Variants in LRRC40 observed in about 807,000 individuals in gnomAD.
The protein encoded by LRRC40 is leucine rich repeat containing 40.
A neutral mutation model predicts 72.8 loss-of-function variants in LRRC40; 76 were observed. The ratio of observed to expected loss-of-function variants is 1.04; its 90% confidence interval spans 0.87 to 1.26. LRRC40 has a LOEUF of 1.26. Ranked by LOEUF, LRRC40 falls within the 50% of genes most tolerant of loss-of-function variation. The probability of loss-of-function intolerance (pLI) is 0.00; values close to 1 mark genes in which losing one functional copy is unlikely to be tolerated. For synonymous variants in LRRC40, 243 were observed against 254.2 expected (o/e 0.96, Z 0.42); for missense variants, 684 against 698.9 (o/e 0.98, Z 0.24).
At chr1:70,154,095 C>T (rs1323738974) in intron 11 of LRRC40, among the ~76,000 whole-genome samples, 1 of 151,030 alleles carries the variant, frequency 6.6e-6, no homozygotes, top group Non-Finnish European at 1.5e-5. Flanking sequence ...GAAACTACAA[C>T]TGATATATTC....
At chr1:70,161,363 C>T (rs950146558) in intron 9 of LRRC40, among the ~76,000 whole-genome samples, 4 of 151,670 alleles carry the variant, frequency 2.6e-5, no homozygotes, top group East Asian at 2.0e-4. Context: ...GGATTACAGG[C>T]GTGAGCCACC....
At chr1:70,179,166 T>C (rs1668186844) in intron 5 of LRRC40, among the ~76,000 whole-genome samples, 173 bp from the exon 6 acceptor site, 1 of 152,198 alleles carries the variant, frequency 6.6e-6, no homozygotes. Flanking sequence ...TTTCTACATT[T>C]AATTATAATT....
chr1:70,177,932 T>A (rs973678771), intron 6 of LRRC40, among the ~76,000 whole-genome samples: 5 of 152,202 alleles, frequency 3.3e-5, no homozygotes, highest in Non-Finnish European at 7.3e-5. Flanking sequence ...ACCTTTATGA[T>A]GACTGACTTC....
chr1:70,178,057 T>C (rs1668148780), intron 6 of LRRC40, among the ~76,000 whole-genome samples: 1 of 152,230 alleles, frequency 6.6e-6, no homozygotes, highest in African/African-American at 2.4e-5. Context: ...GCATACAAAT[T>C]ATGTGTTAAC....
chr1:70,148,688 C>T lies in LRRC40; in HGVS notation c.1518-16G>A, dbSNP rs758113682. 2 of 1,517,206 alleles carry T rather than the reference C, an allele frequency of 1.3e-6. No individual in the cohort carries two copies. Among genetic ancestry groups the T allele is most frequent in the Non-Finnish European group, 1.8e-6 (2 of 1,102,644 alleles). 94.0% of individuals were successfully genotyped at this position (1,517,206 alleles called of 1,614,324 possible). A position where few individuals can be genotyped will look rare whatever the true frequency, so the allele number is the denominator to read the frequency against. ...CATTTTAAACCTATTAATACATGAA[C>T]AGAACACCTAAATATACTGGAATCA... is the stretch of plus-strand genomic sequence containing the variant. On this transcript the variant is annotated splice_polypyrimidine_tract_variant and intron_variant, in intron 13 of 14. Transcript: ENST00000370952.
chr1:70,205,061 A>G (rs1403124508), intron 1 of LRRC40, among the ~76,000 whole-genome samples: 2 of 152,240 alleles, frequency 1.3e-5, no homozygotes, highest in East Asian at 3.8e-4. Context: ...GGCCAAAGAA[A>G]CAAAAGATTT....
chr1:70,195,144 T>A (rs1180745732), intron 1 of LRRC40, among the ~76,000 whole-genome samples: 1 of 151,960 alleles, frequency 6.6e-6, no homozygotes, highest in Non-Finnish European at 1.5e-5. Flanking sequence ...TTTCACAGCC[T>A]TCAGATGGGC....
At chr1:70,188,068 A>C (rs1668407420) in intron 2 of LRRC40, among the ~76,000 whole-genome samples, 1 of 152,168 alleles carries the variant, frequency 6.6e-6, no homozygotes, top group African/African-American at 2.4e-5. Flanking sequence ...AGAGAAAGGG[A>C]CTTTTCTCAT....
chr1:70,165,700 T>C lies in LRRC40; in HGVS notation c.1112-6262A>G, dbSNP rs549015397. ...AAAAAAAAAATATGAAGCAATGAAGTGTCCCAACTTTTTCCTCAAAGAGCT... is the reference window on the plus strand; with the variant it reads ...AAAAAAAAAATATGAAGCAATGAAGCGTCCCAACTTTTTCCTCAAAGAGCT... On this transcript the variant is annotated intron_variant, in intron 9 of 14. Transcript: ENST00000370952. Among the ~76,000 whole-genome samples, 374 of 151,734 alleles carry C rather than the reference T, an allele frequency of 2.5e-3. 3 individuals carry two copies. Among genetic ancestry groups the C allele is most frequent in the African/African-American group, 8.6e-3 (357 of 41,448 alleles).
chr1:70,174,761 C>T (rs1668068090), intron 7 of LRRC40, among the ~76,000 whole-genome samples: 1 of 151,890 alleles, frequency 6.6e-6, no homozygotes, highest in Non-Finnish European at 1.5e-5. Context: ...TAGTGGTTGC[C>T]AGGGGTTGGG....
At chr1:70,185,351 T>A (rs1457103643) in intron 3 of LRRC40, among the ~76,000 whole-genome samples, 1 of 152,210 alleles carries the variant, frequency 6.6e-6, no homozygotes, top group Non-Finnish European at 1.5e-5. Flanking sequence ...ATAGTATGAA[T>A]CATGGGAGCG....
At chr1:70,160,499 C>G (rs1256364884) in intron 9 of LRRC40, among the ~76,000 whole-genome samples, 1 of 152,048 alleles carries the variant, frequency 6.6e-6, no homozygotes, top group Non-Finnish European at 1.5e-5. Context: ...CAAGTTAATG[C>G]TCTAGTAGTA....
At chr1:70,146,797 T>G (rs1161003694) in intron 14 of LRRC40, among the ~76,000 whole-genome samples, 1 of 152,174 alleles carries the variant, frequency 6.6e-6, no homozygotes, top group Non-Finnish European at 1.5e-5. Context: ...TACACATATA[T>G]AAATCTATTT....
chr1:70,176,383 T>G (rs1668104269), intron 6 of LRRC40, among the ~76,000 whole-genome samples: 1 of 151,684 alleles, frequency 6.6e-6, no homozygotes, highest in Admixed American at 6.6e-5. Flanking sequence ...ATACAAAAAA[T>G]TAGCCAGGCG....
intron 14 of LRRC40, among the ~76,000 whole-genome samples, chr1:70,148,242 C>G (rs879292170): frequency 1.3e-5 from 2 of 150,896 alleles, no homozygotes; most frequent in Admixed American, 1.3e-4. Context: ...ACAGTGATAG[C>G]GAAAAGCCAC....
intron 13 of LRRC40, among the ~76,000 whole-genome samples, chr1:70,149,157 A>C (rs1558106910): frequency 6.6e-6 from 1 of 152,208 alleles, no homozygotes; most frequent in Non-Finnish European, 1.5e-5. Context: ...TTTCTTGTCC[A>C]AGCAACCCTG....
At chr1:70,189,829 G>A (rs1668453243) in intron 1 of LRRC40, among the ~76,000 whole-genome samples, 1 of 152,194 alleles carries the variant, frequency 6.6e-6, no homozygotes, top group Admixed American at 6.5e-5. Flanking sequence ...CAAAGAAAAT[G>A]TATAATTTGG....
chr1:70,184,718 A>T, intron 4 of LRRC40, 67 bp downstream of exon 4: 3 of 1,434,014 alleles, frequency 2.1e-6, no homozygotes, highest in Non-Finnish European at 2.8e-6. Context: ...ATCTATCTTA[A>T]TTTCTCAGCC....
intron 5 of LRRC40, among the ~76,000 whole-genome samples, chr1:70,180,739 A>C (rs1668225154): frequency 6.6e-6 from 1 of 152,190 alleles, no homozygotes; most frequent in African/African-American, 2.4e-5. Context: ...TACAGCTATA[A>C]TACAACTAAA....
Sources: allele counts gnomAD v4.1 joint callset (sites outside exome capture counted in the v4.1 genomes callset), GRCh38; gene constraint gnomAD v4.1.1; transcripts MANE v1.5; gene names NCBI Gene and HGNC (gene_info 2026-07-23, HGNC 2026-07-21).